JAK3: variants seen among roughly 807,000 people sequenced by gnomAD.
JAK3 encodes Janus kinase 3, also known as tyrosine-protein kinase JAK3.
Under a neutral mutation model 120.8 loss-of-function variants are expected in JAK3, and 88 were observed. That is an observed-to-expected ratio of 0.73 (90% CI 0.61 to 0.87). The LOEUF is 0.87. Among genes scored for constraint, JAK3 ranks in the 40% least tolerant of loss-of-function variants. The pLI is 0.00. For missense variants in JAK3, 1,254 were observed against 1,501.4 expected (o/e 0.84, Z 2.72); for synonymous variants, 592 against 628.6 (o/e 0.94, Z 0.87).
chr19:17,847,158 A>G (rs1270119211), intron 1 of JAK3, among the ~76,000 whole-genome samples: 1 of 152,084 alleles, frequency 6.6e-6, no homozygotes, highest in Non-Finnish European at 1.5e-5. Context: ...TCAGCCTCCC[A>G]AAGTGTTGGG....
At position 17,835,906 on chromosome 19, in the gene JAK3, A is replaced by C; in HGVS notation, c.1914+18T>G. 1 of 1,613,410 alleles carries C rather than the reference A, an allele frequency of 6.2e-7. No individual in the cohort carries two copies. Among genetic ancestry groups the C allele is most frequent in the Non-Finnish European group, 8.5e-7 (1 of 1,179,988 alleles). On this transcript the variant is annotated intron_variant, in intron 14 of 23. Transcript: ENST00000458235. ...CTTCCCTGGGAATGGAGGGTGGAGC[A>C]GGCAGAGGAGCACTCACCAGATAGT...
At chr19:17,830,814 C>A (rs2094212591) in intron 21 of JAK3, among the ~76,000 whole-genome samples, 194 bp from the exon 22 acceptor site, 1 of 119,308 alleles carries the variant, frequency 8.4e-6, no homozygotes, top group African/African-American at 3.2e-5. Flanking sequence ...AGAGCTAAGG[C>A]TGTGGGGAGG....
intron 17 of JAK3, 129 bp from the exon 18 acceptor site, chr19:17,833,058 C>T: frequency 6.8e-7 from 1 of 1,480,660 alleles, no homozygotes; most frequent in South Asian, 1.3e-5. Context: ...CCATTGCAAG[C>T]CAAAGGGTAC....
In JAK3 at chr19:17,834,591, A is replaced by G. The variant is rs2094220419; in HGVS notation, c.2330T>C (p.Leu777Pro). ...RPSFRAVIRD[L>P]NSLISSDYEL... Reference sequence around the variant, plus strand: ...GGCACCTGAAGAGATGAGGCTATTGAGGTCACGAATGACGGCTCGGAAGGA... The same window carrying G: ...GGCACCTGAAGAGATGAGGCTATTGGGGTCACGAATGACGGCTCGGAAGGA... Residue 777 changes from leucine (L) to proline (P), a missense_variant, in exon 17 of 24, where the codon CTC becomes CCC. By Grantham distance (98) the Leu-to-Pro change is moderately conservative. Transcript: ENST00000458235. 2 of 1,505,072 alleles carry G rather than the reference A, an allele frequency of 1.3e-6. No individual in the cohort carries two copies. The highest frequency in any genetic ancestry group is 1.8e-6 in the Non-Finnish European group (2 of 1,109,724). 93.2% of individuals were successfully genotyped at this position (1,505,072 alleles called of 1,614,324 possible).
rs914811645 is a variant in JAK3 at position 17,843,531 on chromosome 19, C to G, written c.309-40G>C. ...GAGAACCCTGGGATGAAAGTGCAAC[C>G]CAGCCTCAGTAGGAGTGACATTATG... On this transcript the variant is annotated intron_variant, in intron 3 of 23. Coordinates refer to ENST00000458235, the MANE Select transcript of JAK3 (RefSeq NM_000215.4). The surrounding 1 kb of genome is among the most constrained non-coding windows in gnomAD (Gnocchi z 5.4). 2 of 1,431,016 alleles carry G rather than the reference C, an allele frequency of 1.4e-6. No individual in the cohort carries two copies. Among genetic ancestry groups the G allele is most frequent in the Non-Finnish European group, 1.9e-6 (2 of 1,031,272 alleles). 88.6% of individuals were successfully genotyped at this position (1,431,016 alleles called of 1,614,324 possible).
chr19:17,826,990 G>A, intron 23 of JAK3, 80 bp from the exon 24 acceptor site: 1 of 1,496,448 alleles, frequency 6.7e-7, no homozygotes, highest in East Asian at 2.3e-5. Context: ...ATTTGTTTTT[G>A]TTTTTTTGAG....
rs139762482 is a variant in JAK3 at position 17,842,031 on chromosome 19, C to T, written c.862-269G>A. On this transcript the variant is annotated intron_variant, in intron 6 of 23. Transcript: ENST00000458235. This position sits in a 1 kb window ranked among gnomAD's most constrained non-coding sequence, Gnocchi z 6.4. ...CCCCGCTTCGCAGCCTCCCAGCTCT[C>T]GGAGCCTCACTCTGCCTCTTAGTCT... Among the ~76,000 whole-genome samples the T allele has an allele frequency of 9.0e-4, 136 of 151,872 alleles. No homozygotes were observed. Among genetic ancestry groups the T allele is most frequent in the African/African-American group, 3.1e-3 (128 of 41,380 alleles).
Position 17,831,558 on chromosome 19 carries a change from C to T in JAK3, c.2805+116G>A. On this transcript the variant is annotated intron_variant, in intron 20 of 23. Coordinates refer to ENST00000458235, the MANE Select transcript of JAK3 (RefSeq NM_000215.4). This position sits in a 1 kb window ranked among gnomAD's most constrained non-coding sequence, Gnocchi z 5.1. ...ATCCTGAGCCCTAAGCCAACCCCAC[C>T]ACTCCCGAGACCTGGACCCCAAACC... is the stretch of plus-strand genomic sequence containing the variant. 2 of 1,501,122 alleles carry T rather than the reference C, an allele frequency of 1.3e-6. No homozygotes were observed. Among genetic ancestry groups the T allele is most frequent in the Non-Finnish European group, 9.0e-7 (1 of 1,115,712 alleles). 93.0% of individuals were successfully genotyped at this position (1,501,122 alleles called of 1,614,324 possible).
chr19:17,840,164 A>T, intron 9 of JAK3, 66 bp downstream of exon 9: 1 of 1,081,626 alleles, frequency 9.2e-7, no homozygotes, highest in Non-Finnish European at 1.4e-6. Context: ...CTGATCTTTT[A>T]AATCTCAATT....
chr19:17,828,109 G>A (rs534276963), intron 23 of JAK3, among the ~76,000 whole-genome samples: 2 of 152,150 alleles, frequency 1.3e-5, no homozygotes, highest in African/African-American at 4.8e-5. Flanking sequence ...TTACTCATGG[G>A]TAGGCTCCTC....
chr19:17,842,256 G>T lies in JAK3; in HGVS notation c.861+60C>A. 7.1e-7 allele frequency: 1 copy of T among 1,412,236 alleles called. No homozygotes were observed. The highest frequency in any genetic ancestry group is 9.3e-7 in the Non-Finnish European group (1 of 1,073,558). The allele number at this position is 1,412,236 out of a possible 1,614,324, so 87.5% of individuals were successfully genotyped here. A position where few individuals can be genotyped will look rare whatever the true frequency, so the allele number is the denominator to read the frequency against. On this transcript the variant is annotated intron_variant, in intron 6 of 23. Transcript: ENST00000458235. The surrounding 1 kb of genome is among the most constrained non-coding windows in gnomAD (Gnocchi z 6.4). ...CGCCCCACATCCCCTACCACTCTCC[G>T]GCCCCTCCCCGAGCCCCGCCCCCAC...
Position 17,843,318 on chromosome 19 carries a change from C to T in JAK3, c.420+62G>A. 6.6e-7 allele frequency: 1 copy of T among 1,515,832 alleles called. No homozygotes were observed. Among genetic ancestry groups the T allele is most frequent in the Non-Finnish European group, 9.0e-7 (1 of 1,114,888 alleles). 93.9% of individuals were successfully genotyped at this position (1,515,832 alleles called of 1,614,324 possible). A position where few individuals can be genotyped will look rare whatever the true frequency, so the allele number is the denominator to read the frequency against. ...GACGAGGCCCCACCTGATTGCATGC[C>T]AGTCCTCATGTTGCCCCTTGGACCC... On this transcript the variant is annotated intron_variant, in intron 4 of 23. Coordinates refer to ENST00000458235, the MANE Select transcript of JAK3 (RefSeq NM_000215.4). This position sits in a 1 kb window ranked among gnomAD's most constrained non-coding sequence, Gnocchi z 5.4.
At chr19:17,829,616 C>T (rs553993518) in intron 23 of JAK3, among the ~76,000 whole-genome samples, 59 of 152,160 alleles carry the variant, frequency 3.9e-4, no homozygotes, top group Non-Finnish European at 8.2e-4. Context: ...TTAAATTAGC[C>T]AAGTGTGGTG....
chr19:17,840,157 A>G, intron 9 of JAK3, 73 bp downstream of exon 9: 1 of 1,006,838 alleles, frequency 9.9e-7, no homozygotes, highest in East Asian at 2.5e-5. Flanking sequence ...ATGCTGACTG[A>G]TCTTTTAAAT....
Position 17,842,446 on chromosome 19 carries a change from C to G in JAK3, c.731G>C (p.Arg244Pro), listed in dbSNP as rs992027786. The G allele has an allele frequency of 1.9e-6, 3 of 1,593,446 alleles. No individual in the cohort carries two copies. The highest frequency in any genetic ancestry group is 2.6e-6 in the Non-Finnish European group (3 of 1,171,750). The change falls in exon 6 of 24, where the codon CGG (arginine) becomes CCG (proline). Residue 244 changes from arginine to proline, a missense_variant. Physicochemically the swap from Arg to Pro is moderately radical, Grantham distance 103. Transcript: ENST00000458235. This position sits in a 1 kb window ranked among gnomAD's most constrained non-coding sequence, Gnocchi z 6.4. Reference sequence around the variant, plus strand: ...CTCGGCGGCCCCGGCTGGATCCAGCCGCTCCAGGTCCATGATGTACTTGGC... The same window carrying G: ...CTCGGCGGCCCCGGCTGGATCCAGCGGCTCCAGGTCCATGATGTACTTGGC... ...LMAKYIMDLERLDPAGAAETF... is the reference protein window; with the variant it reads ...LMAKYIMDLEPLDPAGAAETF...
chr19:17,829,074 G>A (rs1362895803), intron 23 of JAK3, among the ~76,000 whole-genome samples: 3 of 151,874 alleles, frequency 2.0e-5, no homozygotes, highest in Admixed American at 6.6e-5. Context: ...CAGGAGGATC[G>A]CTTGAGCCCA....
Position 17,843,073 on chromosome 19 carries a change from C to A in JAK3, c.520G>T (p.Ala174Ser). ...CCCGGCCGCTGGGCCTGCTCTCGCG[C>A]CATCCGGGCCAGGTCCAACACGGCC... is the stretch of plus-strand genomic sequence containing the variant. ...SLAVLDLARM[A>S]REQAQRPGEL... The change falls in exon 5 of 24, where the codon GCG (alanine) becomes TCG (serine). Residue 174 changes from alanine to serine, a missense_variant. Physicochemically the swap from Ala to Ser is moderately conservative, Grantham distance 99. Coordinates refer to ENST00000458235, the MANE Select transcript of JAK3 (RefSeq NM_000215.4). The surrounding 1 kb of genome is among the most constrained non-coding windows in gnomAD (Gnocchi z 5.4). 6.2e-7 allele frequency: 1 copy of A among 1,610,794 alleles called. No individual in the cohort carries two copies. Among genetic ancestry groups the A allele is most frequent in the Non-Finnish European group, 8.5e-7 (1 of 1,179,952 alleles).
intron 23 of JAK3, among the ~76,000 whole-genome samples, chr19:17,829,269 A>G (rs1429268016): frequency 6.6e-6 from 1 of 152,146 alleles, no homozygotes; most frequent in East Asian, 1.9e-4. Flanking sequence ...GGTTCAAGCA[A>G]TTCTCCTGCC....
chr19:17,840,187 C>T (rs1240293836), intron 9 of JAK3, 43 bp downstream of exon 9: 3 of 1,322,982 alleles, frequency 2.3e-6, no homozygotes, highest in South Asian at 2.4e-5. Flanking sequence ...AACGTCACCT[C>T]CTCCAGGCAG....
Sources: gnomAD v4.1 joint callset for allele counts (sites outside exome capture counted in the v4.1 genomes callset) on GRCh38, gnomAD v4.1.1 for gene constraint, Gnocchi (gnomAD v3.1) non-coding constraint, MANE v1.5 for transcripts, NCBI Gene and HGNC (gene_info 2026-07-23, HGNC 2026-07-21) for gene names.